The following PXT1 variants were observed in gnomAD, a reference collection of about 807,000 sequenced individuals.
The protein encoded by PXT1 is peroxisomal testis-specific protein 1.
In PXT1, 11 loss-of-function variants were observed where a neutral mutation model predicts 11.0. The observed-to-expected ratio is 1.00, with a 90% CI of 0.63 to 1.66. The LOEUF is 1.66. Among genes scored for constraint, PXT1 ranks in the 40% most tolerant of loss-of-function variants. The pLI, the probability that PXT1 is intolerant of heterozygous loss-of-function variation, is 0.00. For missense variants in PXT1, 141 were observed against 155.5 expected (o/e 0.91, Z 0.49); for synonymous variants, 43 against 51.4 (o/e 0.84, Z 0.70).
At chr6:36,413,765 T>C (rs1364078131) in intron 3 of PXT1, among the ~76,000 whole-genome samples, 1 of 152,152 alleles carries the variant, frequency 6.6e-6, no homozygotes, top group Non-Finnish European at 1.5e-5. Context: ...GGGAGGCTGA[T>C]ATGAGTGGAC....
chr6:36,431,758 C>T (rs914829175), intron 2 of PXT1, among the ~76,000 whole-genome samples: 2 of 151,286 alleles, frequency 1.3e-5, no homozygotes, highest in Non-Finnish European at 2.9e-5. Context: ...AGAGTGAGAC[C>T]CTGCCTAAAA....
Position 36,391,804 on chromosome 6 carries a change from A to G in PXT1, c.371T>C (p.Leu124Ser). The G allele has an allele frequency of 6.2e-7, 1 of 1,613,918 alleles. No individual in the cohort carries two copies. Among genetic ancestry groups the G allele is most frequent in the South Asian group, 1.1e-5 (1 of 91,086 alleles). ...VFFFFRRVQV[L>S]LHFFWNNHLL is the part of the protein sequence containing the mutation. ...ATGGTTGTTCCAGAAAAAATGCAGC[A>G]ACACCTGAACTCTTCTAAAGAAAAA... The change falls in exon 5 of 5, where the codon TTG becomes TCG. Residue 124 changes from leucine (L) to serine (S), a missense_variant. Transcript: ENST00000454782.
intron 2 of PXT1, among the ~76,000 whole-genome samples, chr6:36,428,100 CT>C (rs1774634499): frequency 6.6e-6 from 1 of 152,104 alleles, no homozygotes; most frequent in African/African-American, 2.4e-5. Context: ...GTAAGACATG[CT>C]GTTCAGCTCA....
At chr6:36,398,387 A>G (rs1010737547) in intron 4 of PXT1, among the ~76,000 whole-genome samples, 11 of 152,178 alleles carry the variant, frequency 7.2e-5, no homozygotes, top group Non-Finnish European at 1.6e-4. Context: ...ATGTACCCCA[A>G]AAAAATAAAA....
intron 3 of PXT1, among the ~76,000 whole-genome samples, chr6:36,404,610 C>A (rs1332102722): frequency 6.6e-6 from 1 of 151,892 alleles, no homozygotes; most frequent in Non-Finnish European, 1.5e-5. Context: ...GTGTGCACCA[C>A]CGTGCCCGGA....
At chr6:36,395,054 G>A (rs778752688) in intron 4 of PXT1, among the ~76,000 whole-genome samples, 8 of 152,096 alleles carry the variant, frequency 5.3e-5, no homozygotes, top group Non-Finnish European at 1.0e-4. Context: ...TGTTGCCCAG[G>A]CTGGTCTCAA....
At chr6:36,407,054 A>G (rs1774302391) in intron 3 of PXT1, among the ~76,000 whole-genome samples, 1 of 152,240 alleles carries the variant, frequency 6.6e-6, no homozygotes, top group Non-Finnish European at 1.5e-5. Context: ...TATGTTGGCT[A>G]TAAATCAGCT....
chr6:36,391,677 G>A lies in PXT1; in HGVS notation c.*93C>T. ...ATGGGTACAAAAAGAGGGAGACGGAGAAGGGTGTTCTTCCCATCTGTCCCA... is the reference window on the plus strand; with the variant it reads ...ATGGGTACAAAAAGAGGGAGACGGAAAAGGGTGTTCTTCCCATCTGTCCCA... On this transcript the variant is annotated 3_prime_UTR_variant, in exon 5 of 5. Coordinates refer to ENST00000454782, the MANE Select transcript of PXT1 (RefSeq NM_152990.4). 1.2e-6 allele frequency: 1 copy of A among 859,964 alleles called. No individual in the cohort carries two copies. The highest frequency in any genetic ancestry group is 1.4e-5 in the South Asian group (1 of 72,260). 53.3% of individuals were successfully genotyped at this position (859,964 alleles called of 1,614,324 possible). A position where few individuals can be genotyped will look rare whatever the true frequency, so the allele number is the denominator to read the frequency against.
In PXT1 at chr6:36,391,849, G is replaced by A. The variant is rs773517385; in HGVS notation, c.326C>T (p.Ala109Val). 2 of 1,612,078 alleles carry A rather than the reference G, an allele frequency of 1.2e-6. No homozygotes were observed. The highest frequency in any genetic ancestry group is 1.7e-5 in the Admixed American group (1 of 59,898). Residue 109 changes from alanine (A) to valine (V), a missense_variant, in exon 5 of 5, where the codon GCA becomes GTA. Physicochemically the swap from Ala to Val is moderately conservative, Grantham distance 64 (BLOSUM62 0). Coordinates refer to ENST00000454782, the MANE Select transcript of PXT1 (RefSeq NM_152990.4). ...GAAAAAGAAGACAAAATGATCTAGT[G>A]CATCTCTGCCATCCTGTTGAAGATC... ...REDLQQDGRD[A>V]LDHFVFFFFR... is the part of the protein sequence containing the mutation.
At chr6:36,412,006 A>C (rs1375933346) in intron 3 of PXT1, among the ~76,000 whole-genome samples, 1 of 152,154 alleles carries the variant, frequency 6.6e-6, no homozygotes, top group Non-Finnish European at 1.5e-5. Flanking sequence ...AATTCAGTGA[A>C]AGAAAATAAT....
At chr6:36,401,175 T>C (rs1227072444) in intron 3 of PXT1, among the ~76,000 whole-genome samples, 1 of 151,668 alleles carries the variant, frequency 6.6e-6, no homozygotes, top group Non-Finnish European at 1.5e-5. Context: ...ATTATAACAT[T>C]AATAAATATA....
intron 3 of PXT1, among the ~76,000 whole-genome samples, chr6:36,416,859 C>T (rs1774456527): frequency 6.6e-6 from 1 of 152,134 alleles, no homozygotes; most frequent in Non-Finnish European, 1.5e-5. Flanking sequence ...ATGGTAACAA[C>T]TTCAAAAATG....
At chr6:36,423,628 T>C (rs1288023196) in intron 3 of PXT1, among the ~76,000 whole-genome samples, 1 of 152,194 alleles carries the variant, frequency 6.6e-6, no homozygotes, top group Non-Finnish European at 1.5e-5. Context: ...CTCGACGCCG[T>C]AATAACAAGT....
rs779385232 is a variant in PXT1 at position 36,400,464 on chromosome 6, A to G, written c.290T>C (p.Met97Thr). Residue 97 changes from methionine (M) to threonine (T), a missense_variant, in exon 4 of 5, where the codon ATG (methionine) becomes ACG (threonine). By Grantham distance (81) the Met-to-Thr change is moderately conservative. Coordinates refer to ENST00000454782, the MANE Select transcript of PXT1 (RefSeq NM_152990.4). ...RHIGDNIDHR[M>T]VREDLQQDGR... ...AAACTGAAGCCTCACCTCTCGAACC[A>G]TCCTATGATCAATGTTGTCCCCAAT... 2 of 1,613,558 alleles carry G rather than the reference A, an allele frequency of 1.2e-6. No homozygotes were observed. The highest frequency in any genetic ancestry group is 2.7e-5 in the African/African-American group (2 of 74,872).
At chr6:36,404,290 C>T (rs893962317) in intron 3 of PXT1, among the ~76,000 whole-genome samples, 2 of 152,156 alleles carry the variant, frequency 1.3e-5, no homozygotes, top group African/African-American at 2.4e-5. Flanking sequence ...CCACGGATCA[C>T]GTATACAATG....
At chr6:36,441,728 T>C (rs185811212) in intron 1 of PXT1, among the ~76,000 whole-genome samples, 6 of 152,134 alleles carry the variant, frequency 3.9e-5, no homozygotes, top group African/African-American at 1.2e-4. Flanking sequence ...CGAGGGAGAA[T>C]AGAAATGGAA....
At chr6:36,409,970 AAG>A (rs1554152339) in intron 3 of PXT1, among the ~76,000 whole-genome samples, 2 of 141,964 alleles carry the variant, frequency 1.4e-5, no homozygotes, top group Non-Finnish European at 3.0e-5. Context: ...AAAGAGAAAA[AAG>A]AAAGAAAGAA....
At chr6:36,405,863 G>A (rs1774281722) in intron 3 of PXT1, among the ~76,000 whole-genome samples, 1 of 152,158 alleles carries the variant, frequency 6.6e-6, no homozygotes, top group Admixed American at 6.5e-5. Flanking sequence ...ATTCAGTACG[G>A]TAACATGCCG....
At chr6:36,432,949 T>G (rs1220139767) in intron 2 of PXT1, among the ~76,000 whole-genome samples, 1 of 151,748 alleles carries the variant, frequency 6.6e-6, no homozygotes, top group African/African-American at 2.4e-5. Context: ...AAAAGGTACT[T>G]CTTAGGGGAA....
Sources: gnomAD v4.1 joint callset for allele counts (sites outside exome capture counted in the v4.1 genomes callset) on GRCh38, gnomAD v4.1.1 for gene constraint, MANE v1.5 for transcripts, NCBI Gene and HGNC (gene_info 2026-07-23, HGNC 2026-07-21) for gene names.